Variants in G3BP2 observed in about 807,000 individuals in gnomAD.
G3BP2 encodes ras GTPase-activating protein-binding protein 2.
G3BP2 carries 11 observed loss-of-function variants against 56.7 expected under a neutral mutation model. The ratio of observed to expected loss-of-function variants is 0.19; its 90% CI spans 0.12 to 0.32. G3BP2 has a LOEUF of 0.32. G3BP2 is among the 10% of genes least tolerant of loss of function. The pLI, the probability that G3BP2 is intolerant of heterozygous loss-of-function variation, is 1.00. For synonymous variants in G3BP2, 165 were observed against 191.6 expected (o/e 0.86, Z 1.15); for missense variants, 340 against 610.9 (o/e 0.56, Z 4.67).
At chr4:75,704,012 G>GTTTTTTTTTTTT (rs11315970) in intron 3 of G3BP2, among the ~76,000 whole-genome samples, 3 of 138,960 alleles carry the variant, frequency 2.2e-5, no homozygotes, top group African/African-American at 2.7e-5. Flanking sequence ...TCTATGAAAG[G>GTTTTTTTTTTTT]TTTTTTTTTT....
At chr4:75,691,669 G>A (rs567101281) in intron 3 of G3BP2, among the ~76,000 whole-genome samples, 6 of 152,266 alleles carry the variant, frequency 3.9e-5, no homozygotes, top group African/African-American at 7.2e-5. Context: ...GGATGAATAC[G>A]GTGATTCCCA....
chr4:75,658,142 C>T (rs908794416), intron 3 of G3BP2, among the ~76,000 whole-genome samples: 2 of 152,098 alleles, frequency 1.3e-5, no homozygotes, highest in Non-Finnish European at 2.9e-5. Flanking sequence ...CCTGTTAGGC[C>T]ATAGGAAACA....
intron 3 of G3BP2, among the ~76,000 whole-genome samples, chr4:75,707,010 T>C (rs1024081673): frequency 2.6e-5 from 4 of 151,004 alleles, no homozygotes; most frequent in Non-Finnish European, 4.4e-5. Context: ...CTGACCAACA[T>C]GGAGAAACCC....
chr4:75,681,299 G>C (rs1195467096), intron 3 of G3BP2, among the ~76,000 whole-genome samples: 1 of 151,406 alleles, frequency 6.6e-6, no homozygotes, highest in Non-Finnish European at 1.5e-5. Context: ...ACTCCAGCCT[G>C]GGCGAAAGAG....
chr4:75,670,990 T>C (rs957458164), intron 1 of G3BP2, among the ~76,000 whole-genome samples: 1 of 152,212 alleles, frequency 6.6e-6, no homozygotes, highest in East Asian at 1.9e-4. Flanking sequence ...ATTTTCAATA[T>C]ACCTATGGTT....
In G3BP2 at chr4:75,699,689, G is replaced by A. The variant is rs752830439; in HGVS notation, c.-25+21188C>T. Among the ~76,000 whole-genome samples, 58 of 152,090 alleles carry A rather than the reference G, an allele frequency of 3.8e-4. 1 individual carries two copies. Among genetic ancestry groups the A allele is most frequent in the Non-Finnish European group, 1.5e-5 (1 of 68,034 alleles). On this transcript the variant is annotated intron_variant, in intron 3 of 3. Coordinates refer to the G3BP2 transcript ENST00000499709. Reference sequence around the variant, plus strand: ...AACTAATATATTTCAGATCTTATCTGGTTGTGTCATGGCTCACACTGACAT... The same window carrying A: ...AACTAATATATTTCAGATCTTATCTAGTTGTGTCATGGCTCACACTGACAT...
intron 3 of G3BP2, among the ~76,000 whole-genome samples, chr4:75,686,987 G>C (rs1288006829): frequency 6.6e-6 from 1 of 152,158 alleles, no homozygotes; most frequent in Non-Finnish European, 1.5e-5. Context: ...CAGCACTTGA[G>C]GAGACTGAGG....
intron 3 of G3BP2, among the ~76,000 whole-genome samples, chr4:75,715,116 T>C (rs1187713167): frequency 1.3e-5 from 2 of 152,190 alleles, no homozygotes; most frequent in Non-Finnish European, 2.9e-5. Flanking sequence ...AAGTCTAGGC[T>C]TCTCTCTCTG....
chr4:75,699,103 C>T (rs1719231850), intron 3 of G3BP2, among the ~76,000 whole-genome samples: 2 of 152,130 alleles, frequency 1.3e-5, no homozygotes, highest in Non-Finnish European at 2.9e-5. Flanking sequence ...AAACCAATCC[C>T]TCCCCTCTCA....
chr4:75,646,018 G>A (rs888997855), intron 11 of G3BP2, among the ~76,000 whole-genome samples: 1 of 151,986 alleles, frequency 6.6e-6, no homozygotes, highest in Non-Finnish European at 1.5e-5. Context: ...TGTTGCCCAG[G>A]CTGGTCTTGA....
intron 3 of G3BP2, among the ~76,000 whole-genome samples, chr4:75,712,952 A>C (rs766643661): frequency 6.6e-5 from 10 of 152,160 alleles, no homozygotes; most frequent in Admixed American, 6.6e-5. Context: ...ACTAGACTAG[A>C]GTTGCAGACC....
At chr4:75,666,773 G>A (rs1176743531) in intron 1 of G3BP2, among the ~76,000 whole-genome samples, 6 of 152,242 alleles carry the variant, frequency 3.9e-5, no homozygotes, top group African/African-American at 1.2e-4. Context: ...ATTATTCATA[G>A]CAAATCATCT....
chr4:75,678,007 A>G (rs1733939922), upstream of G3BP2, among the ~76,000 whole-genome samples: 1 of 152,232 alleles, frequency 6.6e-6, no homozygotes, highest in South Asian at 2.1e-4. Flanking sequence ...CCATGTGAGA[A>G]CACAGCAAGA....
rs905144769 is a variant in G3BP2 at position 75,669,563 on chromosome 4, C to T, written c.-25+3645G>A. Reference sequence around the variant, plus strand: ...CTAAGGCCCTACACAGAAATCCAGTCTGACATTCAATGTCATAACCAACCT... The same window carrying T: ...CTAAGGCCCTACACAGAAATCCAGTTTGACATTCAATGTCATAACCAACCT... On this transcript the variant is annotated intron_variant, in intron 1 of 11. Transcript: ENST00000359707. Among the ~76,000 whole-genome samples, 3 of 152,358 alleles carry T rather than the reference C, an allele frequency of 2.0e-5. No individual in the cohort carries two copies. The East Asian group carries it at 5.8e-4, about 29-fold the overall frequency.
chr4:75,720,521 T>C (rs1019255905), intron 3 of G3BP2, among the ~76,000 whole-genome samples: 4 of 131,038 alleles, frequency 3.1e-5, no homozygotes, highest in Non-Finnish European at 3.3e-5. Context: ...AAAAAAAATA[T>C]TTTGAGGGCT....
chr4:75,675,874 G>T (rs1183791836), upstream of G3BP2, among the ~76,000 whole-genome samples: 1 of 152,040 alleles, frequency 6.6e-6, no homozygotes, highest in Non-Finnish European at 1.5e-5. Context: ...AAATATTTTT[G>T]GTTTTGAGCG....
intron 3 of G3BP2, among the ~76,000 whole-genome samples, chr4:75,713,871 T>C (rs1719840726): frequency 6.6e-6 from 1 of 152,224 alleles, no homozygotes; most frequent in Non-Finnish European, 1.5e-5. Flanking sequence ...GGATATACTA[T>C]GAGAAGGACA....
intron 3 of G3BP2, among the ~76,000 whole-genome samples, chr4:75,715,479 C>T (rs1179134870): frequency 6.6e-6 from 1 of 152,166 alleles, no homozygotes; most frequent in Non-Finnish European, 1.5e-5. Flanking sequence ...ATCAAAGGGG[C>T]AGAGTATGGA....
chr4:75,661,225 T>C (rs1265686110), intron 2 of G3BP2, among the ~76,000 whole-genome samples: 1 of 152,120 alleles, frequency 6.6e-6, no homozygotes, highest in Non-Finnish European at 1.5e-5. Context: ...ACCTCCCAGA[T>C]TCAAGCAATT....
Sources: allele counts gnomAD v4.1 joint callset (sites outside exome capture counted in the v4.1 genomes callset), GRCh38; gene constraint gnomAD v4.1.1; transcripts MANE v1.5; gene names NCBI Gene and HGNC (gene_info 2026-07-23, HGNC 2026-07-21).